ITGA1: variants seen among roughly 807,000 people sequenced by gnomAD.
The protein encoded by ITGA1 is integrin subunit alpha 1.
ITGA1 carries 85 observed loss-of-function variants against 145.9 expected under a neutral mutation model. The observed-to-expected ratio is 0.58, with a 90% CI of 0.49 to 0.70. The LOEUF (loss-of-function observed/expected upper bound fraction) is 0.70, where lower values mean the gene tolerates loss of function less well. Among genes scored for constraint, ITGA1 ranks in the 30% least tolerant of loss-of-function variants. ITGA1 has a pLI of 0.00. For synonymous variants in ITGA1, 520 were observed against 495.3 expected (o/e 1.05, Z -0.66); for missense variants, 1,351 against 1,418.7 (o/e 0.95, Z 0.77).
rs1751292091 is a variant in ITGA1, at chr5:52,955,505, T to C, written c.*3054T>C. ...ATATCAAGCCCAGTAAACATAATGC[T>C]ACACAGCACCCATTCTTTAATTTTG... On this transcript the variant is annotated 3_prime_UTR_variant, in exon 29 of 29. Coordinates refer to ENST00000282588, the MANE Select transcript of ITGA1 (RefSeq NM_181501.2). 6.6e-6 allele frequency: 1 copy of C among 152,210 alleles called. No individual in the cohort carries two copies. The highest frequency in any genetic ancestry group is 1.5e-5 in the Non-Finnish European group (1 of 68,030). 9.4% of individuals were successfully genotyped at this position (152,210 alleles called of 1,614,324 possible).
intron 1 of ITGA1, among the ~76,000 whole-genome samples, chr5:52,822,838 A>G (rs1748900928): frequency 1.3e-5 from 2 of 152,194 alleles, no homozygotes; most frequent in South Asian, 4.1e-4. Flanking sequence ...CTTGAATCAG[A>G]GCAAGAAAAT....
chr5:52,841,462 A>C (rs925515126), intron 1 of ITGA1, among the ~76,000 whole-genome samples: 3 of 152,170 alleles, frequency 2.0e-5, no homozygotes, highest in African/African-American at 7.2e-5. Flanking sequence ...CTATAAAAAT[A>C]CTCATTTCAG....
rs186610720 is a variant in ITGA1 at position 52,943,637 on chromosome 5, C to T, written c.3286-1306C>T. ...AGGTGTTCTGGGCCACAGGCTCTCTCGGGCAGAGGCCATGGCAGGTAGATA... is the reference window on the plus strand; with the variant it reads ...AGGTGTTCTGGGCCACAGGCTCTCTTGGGCAGAGGCCATGGCAGGTAGATA... On this transcript the variant is annotated intron_variant, in intron 26 of 28. Transcript: ENST00000282588. 1.2e-4 allele frequency among the ~76,000 whole-genome samples: 18 copies of T among 152,264 alleles called. No homozygotes were observed. The East Asian group carries it at 2.9e-3, about 25-fold the overall frequency.
chr5:52,819,369 G>C lies in ITGA1; in HGVS notation c.62-29996G>C, dbSNP rs578120107. On this transcript the variant is annotated intron_variant, in intron 1 of 28. Transcript: ENST00000282588. ...TGGTGTCAGATGGTATCTCATTGTG[G>C]TTTTGATTTGCATTTCTCTGATGGC... Among the ~76,000 whole-genome samples the C allele has an allele frequency of 3.4e-3, 515 of 152,182 alleles. 7 individuals are homozygous for C. Among genetic ancestry groups the C allele is most frequent in the Non-Finnish European group, 1.6e-3 (110 of 67,994 alleles).
intron 1 of ITGA1, chr5:52,801,218 TCTTTA>T (rs1179435105): frequency 2.3e-6 from 3 of 1,293,908 alleles, no homozygotes; most frequent in Non-Finnish European, 3.2e-6. Flanking sequence ...GAAGAGAAAG[TCTTTA>T]CTTAGCTGGG....
intron 1 of ITGA1, among the ~76,000 whole-genome samples, chr5:52,842,178 G>A (rs1000943109): frequency 2.0e-5 from 3 of 152,136 alleles, no homozygotes; most frequent in South Asian, 2.1e-4. Context: ...TCAGATCCTA[G>A]GTGGTATCAC....
chr5:52,910,192 C>T lies in ITGA1; in HGVS notation c.1630C>T (p.Pro544Ser), dbSNP rs753458415. 5 of 1,611,034 alleles carry T rather than the reference C, an allele frequency of 3.1e-6. No individual in the cohort carries two copies. The highest frequency in any genetic ancestry group is 4.2e-6 in the Non-Finnish European group (5 of 1,177,504). The change falls in exon 14 of 29, where the codon CCT becomes TCT. Residue 544 changes from proline (P) to serine (S), a missense_variant. By Grantham distance (74) the Pro-to-Ser change is moderately conservative. Transcript: ENST00000282588. ...TRFEYQMSLE[P>S]IKQTCCSSRQ... ...GTTTGAATATCAAATGAGCCTGGAA[C>T]CTATTAAGCAGACGTGCTGTTCATC... is the stretch of plus-strand genomic sequence containing the variant.
intron 1 of ITGA1, among the ~76,000 whole-genome samples, chr5:52,810,242 G>A (rs1364386967): frequency 6.6e-6 from 1 of 152,196 alleles, no homozygotes; most frequent in Admixed American, 6.5e-5. Flanking sequence ...CAGGGAAAGG[G>A]AAACTGACCC....
chr5:52,927,555 C>T (rs1026175126), intron 19 of ITGA1, 29 bp from the exon 20 acceptor site: 5 of 1,511,442 alleles, frequency 3.3e-6, no homozygotes, highest in African/African-American at 1.4e-5. Context: ...TGCTTGTCCA[C>T]TCTGATTCTG....
At chr5:52,911,398 A>G (rs1750525098) in intron 14 of ITGA1, among the ~76,000 whole-genome samples, 1 of 134,708 alleles carries the variant, frequency 7.4e-6, no homozygotes, top group African/African-American at 2.7e-5. Context: ...TAGTGTATAT[A>G]TAGTATATAG....
At chr5:52,917,122 G>C (rs1750660240) in intron 15 of ITGA1, among the ~76,000 whole-genome samples, 1 of 152,206 alleles carries the variant, frequency 6.6e-6, no homozygotes, top group Non-Finnish European at 1.5e-5. Flanking sequence ...GAAGCAAATA[G>C]TGAGAGTCTT....
In ITGA1 at chr5:52,955,370, T is replaced by C. The variant is rs1261550844; in HGVS notation, c.*2919T>C. 3 of 151,636 alleles carry C rather than the reference T, an allele frequency of 2.0e-5. No homozygotes were observed. Among genetic ancestry groups the C allele is most frequent in the African/African-American group, 7.3e-5 (3 of 41,220 alleles). 9.4% of individuals were successfully genotyped at this position (151,636 alleles called of 1,614,324 possible). On this transcript the variant is annotated 3_prime_UTR_variant, in exon 29 of 29. Coordinates refer to ENST00000282588, the MANE Select transcript of ITGA1 (RefSeq NM_181501.2). The stretch of plus-strand genomic sequence containing the variant: ...ACAGATAGATAGATAGATAGATAGA[T>C]AGATAGATAGATAGATAGATAGATA...
At chr5:52,840,940 T>C (rs1423299067) in intron 1 of ITGA1, among the ~76,000 whole-genome samples, 1 of 152,186 alleles carries the variant, frequency 6.6e-6, no homozygotes, top group Non-Finnish European at 1.5e-5. Flanking sequence ...TATACACATA[T>C]ACACACACTC....
intron 21 of ITGA1, 56 bp from the exon 22 acceptor site, chr5:52,931,991 G>A (rs1750899376): frequency 9.8e-7 from 1 of 1,022,110 alleles, no homozygotes; most frequent in Non-Finnish European, 1.5e-6. Context: ...ACTTAGAAAT[G>A]TCTTTAAATA....
chr5:52,804,329 A>G (rs768359192), intron 1 of ITGA1, among the ~76,000 whole-genome samples: 5 of 152,130 alleles, frequency 3.3e-5, no homozygotes, highest in Admixed American at 1.3e-4. Context: ...ACTAAACTCA[A>G]TAAGTGAGAA....
rs190863742 is a variant in ITGA1 at position 52,898,771 on chromosome 5, T to C, written c.1309+388T>C. Among the ~76,000 whole-genome samples the C allele has an allele frequency of 1.5e-4, 23 of 152,290 alleles. No individual in the cohort carries two copies. The East Asian group carries it at 3.3e-3, about 22-fold the overall frequency. On this transcript the variant is annotated intron_variant, in intron 11 of 28. Coordinates refer to ENST00000282588, the MANE Select transcript of ITGA1 (RefSeq NM_181501.2). ...TATCCTGAAAACCAAACTCATATTG[T>C]CTTAAATGTCTTCTATCATTAATTT...
Position 52,905,887 on chromosome 5 carries a change from C to A in ITGA1, c.1434C>A (p.Leu478=). The A allele has an allele frequency of 6.2e-7, 1 of 1,612,978 alleles. No homozygotes were observed. The highest frequency in any genetic ancestry group is 8.5e-7 in the Non-Finnish European group (1 of 1,179,342). Residue 478 remains leucine (L), a synonymous_variant, in exon 12 of 29, where the codon CTC becomes CTA. Transcript: ENST00000282588. The part of the protein sequence containing the change: ...YRMEDGNIKI[L]QTLSGEQIGS... ...TGGAAGATGGAAACATCAAAATTCT[C>A]CAGACGCTCAGTGGAGAACAGGTAA... is the stretch of plus-strand genomic sequence containing the variant.
Position 52,928,554 on chromosome 5 carries a change from A to G in ITGA1, c.2694+890A>G, listed in dbSNP as rs148930893. The stretch of plus-strand genomic sequence containing the variant: ...ATTTTAGAACATTTTCACACACCAC[A>G]AAGAAGCCACGTATGCATTGGCAGT... On this transcript the variant is annotated intron_variant, in intron 20 of 28. Coordinates refer to ENST00000282588, the MANE Select transcript of ITGA1 (RefSeq NM_181501.2). Among the ~76,000 whole-genome samples, 11 of 152,308 alleles carry G rather than the reference A, an allele frequency of 7.2e-5. No homozygotes were observed. In the East Asian group the frequency reaches 2.1e-3, roughly 29 times the overall value.
intron 1 of ITGA1, among the ~76,000 whole-genome samples, chr5:52,832,773 G>GCGTGTGTGTGTGTC (rs1749092094): frequency 1.2e-5 from 1 of 83,418 alleles, no homozygotes. Flanking sequence ...ATCTGTGTGT[G>GCGTGTGTGTGTGTC]TGTGTGTGTG....
Sources: gnomAD v4.1 joint callset for allele counts (sites outside exome capture counted in the v4.1 genomes callset) on GRCh38, gnomAD v4.1.1 for gene constraint, MANE v1.5 for transcripts, NCBI Gene and HGNC (gene_info 2026-07-23, HGNC 2026-07-21) for gene names.